The following LYPD6 variants were observed in gnomAD, a reference collection of about 807,000 sequenced individuals.
LYPD6 encodes the protein LY6/PLAUR domain containing 6.
LYPD6 carries 15 observed loss-of-function variants against 22.7 expected under a neutral mutation model. The observed-to-expected ratio is 0.66, with a 90% CI of 0.44 to 1.02. LYPD6 has a LOEUF of 1.02. LYPD6 is among the 50% of genes least tolerant of loss of function. The pLI, the probability that LYPD6 is intolerant of heterozygous loss-of-function variation, is 0.00. For synonymous variants in LYPD6, 72 were observed against 77.5 expected (o/e 0.93, Z 0.37); for missense variants, 189 against 208.4 (o/e 0.91, Z 0.57).
chr2:149,369,172 G>A (rs1201725944), intron 1 of LYPD6, among the ~76,000 whole-genome samples: 1 of 152,008 alleles, frequency 6.6e-6, no homozygotes, highest in Non-Finnish European at 1.5e-5. Context: ...TGAGTGGTAT[G>A]ATAATCAAGG....
intron 1 of LYPD6, among the ~76,000 whole-genome samples, chr2:149,331,598 A>G (rs947347707): frequency 2.6e-5 from 4 of 151,770 alleles, no homozygotes; most frequent in Admixed American, 2.6e-4. Context: ...CCCGTTTCCT[A>G]GAGGACTCCA....
At chr2:149,355,739 G>A (rs1573737711) in intron 1 of LYPD6, among the ~76,000 whole-genome samples, 1 of 152,112 alleles carries the variant, frequency 6.6e-6, no homozygotes, top group African/African-American at 2.4e-5. Context: ...ACGTTCAAAG[G>A]TACCCAGGAA....
chr2:149,400,966 A>G (rs1056958879), intron 1 of LYPD6, among the ~76,000 whole-genome samples: 5 of 152,192 alleles, frequency 3.3e-5, no homozygotes, highest in African/African-American at 4.8e-5. Flanking sequence ...TCATCTTTCC[A>G]TACCTCGTGC....
intron 1 of LYPD6, among the ~76,000 whole-genome samples, chr2:149,375,071 A>G (rs1235096251): frequency 1.3e-5 from 2 of 152,222 alleles, no homozygotes; most frequent in Non-Finnish European, 2.9e-5. Context: ...ATGATTCATC[A>G]GAAGAGCTGT....
At chr2:149,349,109 C>T (rs56073757) in intron 1 of LYPD6, among the ~76,000 whole-genome samples, 42,499 of 151,792 alleles carry the variant, frequency 0.28, 6,539 homozygotes, top group Middle Eastern at 0.37. Flanking sequence ...ATTTGAGACA[C>T]CTATTAGGCT....
At chr2:149,477,704 G>A (rs1401832600), downstream of LYPD6, among the ~76,000 whole-genome samples, 3 of 151,520 alleles carry the variant, frequency 2.0e-5, no homozygotes, top group Non-Finnish European at 2.9e-5. Context: ...GCATAGTGGT[G>A]TGTTTCAGCC....
intron 1 of LYPD6, among the ~76,000 whole-genome samples, chr2:149,421,371 CA>C (rs1274738721): frequency 8.2e-6 from 1 of 121,864 alleles, no homozygotes; most frequent in African/African-American, 3.3e-5. Context: ...GCCTGGGTGA[CA>C]GAGCAAGACT....
At chr2:149,452,384 G>T (rs1680853127) in intron 3 of LYPD6, among the ~76,000 whole-genome samples, 1 of 152,134 alleles carries the variant, frequency 6.6e-6, no homozygotes, top group Admixed American at 6.5e-5. Flanking sequence ...TTCTAACAAT[G>T]AAAATAATGC....
chr2:149,410,590 A>G (rs1037505717), intron 1 of LYPD6, among the ~76,000 whole-genome samples: 1 of 152,166 alleles, frequency 6.6e-6, no homozygotes, highest in African/African-American at 2.4e-5. Flanking sequence ...TGGTACAGTT[A>G]ATCCTCTATT....
chr2:149,338,861 C>T (rs1681106893), intron 1 of LYPD6, among the ~76,000 whole-genome samples: 1 of 152,110 alleles, frequency 6.6e-6, no homozygotes, highest in Non-Finnish European at 1.5e-5. Context: ...CTGGTATTGT[C>T]AGCAGGAGTC....
At chr2:149,469,147 A>G (rs969126666) in intron 4 of LYPD6, among the ~76,000 whole-genome samples, 1 of 152,190 alleles carries the variant, frequency 6.6e-6, no homozygotes, top group African/African-American at 2.4e-5. Context: ...GACCGACGCA[A>G]TTCAGCTTTG....
intron 1 of LYPD6, among the ~76,000 whole-genome samples, chr2:149,338,950 C>A (rs1197813548): frequency 6.6e-6 from 1 of 152,098 alleles, no homozygotes; most frequent in Middle Eastern, 3.2e-3. Flanking sequence ...CCCTTATTGT[C>A]ATTTTCAAGA....
At position 149,468,632 on chromosome 2, in the gene LYPD6, T is replaced by G. The variant is rs947477619; in HGVS notation, c.218-13T>G. The stretch of plus-strand genomic sequence containing the variant: ...AACATTTCCCATCTCAAATATATTT[T>G]CTCTGTTGACAGAGACCAGATACTG... On this transcript the variant is annotated splice_polypyrimidine_tract_variant and intron_variant, in intron 3 of 4. Coordinates refer to ENST00000334166, the MANE Select transcript of LYPD6 (RefSeq NM_194317.5). The G allele has an allele frequency of 1.2e-6, 2 of 1,609,806 alleles. No homozygotes were observed. Among genetic ancestry groups the G allele is most frequent in the Non-Finnish European group, 1.7e-6 (2 of 1,178,756 alleles).
chr2:149,377,326 C>A (rs1458777705), intron 1 of LYPD6, among the ~76,000 whole-genome samples: 1 of 150,524 alleles, frequency 6.6e-6, no homozygotes, highest in Non-Finnish European at 1.5e-5. Context: ...AAAAAAAACA[C>A]AACTGCCAAG....
At chr2:149,341,512 G>T (rs528383366) in intron 1 of LYPD6, among the ~76,000 whole-genome samples, 3 of 152,242 alleles carry the variant, frequency 2.0e-5, no homozygotes, top group Non-Finnish European at 4.4e-5. Flanking sequence ...TAAGCCCTCA[G>T]TCAATATGCT....
chr2:149,455,633 C>T (rs1680941124), intron 3 of LYPD6, among the ~76,000 whole-genome samples: 3 of 152,196 alleles, frequency 2.0e-5, no homozygotes, highest in African/African-American at 7.2e-5. Context: ...ATCTAACCTT[C>T]TCCAATTCAC....
intron 4 of LYPD6, 69 bp downstream of exon 4, chr2:149,468,844 C>T: frequency 1.3e-6 from 2 of 1,525,076 alleles, no homozygotes; most frequent in Middle Eastern, 4.4e-4. Flanking sequence ...TCTGCCAGTA[C>T]TCATGAGCAG....
intron 1 of LYPD6, among the ~76,000 whole-genome samples, chr2:149,382,540 T>TTTCAA (rs1682089619): frequency 6.6e-6 from 1 of 152,180 alleles, no homozygotes; most frequent in Non-Finnish European, 1.5e-5. Context: ...CTTGATTCTG[T>TTTCAA]GGCCCTATAT....
At chr2:149,340,929 T>C (rs1187911256) in intron 1 of LYPD6, among the ~76,000 whole-genome samples, 1 of 152,060 alleles carries the variant, frequency 6.6e-6, no homozygotes, top group East Asian at 1.9e-4. Context: ...TGACTCGCCA[T>C]GTGGAATACA....
Sources: gnomAD v4.1 joint callset for allele counts (sites outside exome capture counted in the v4.1 genomes callset) on GRCh38, gnomAD v4.1.1 for gene constraint, MANE v1.5 for transcripts, NCBI Gene and HGNC (gene_info 2026-07-23, HGNC 2026-07-21) for gene names.